The following SLC39A11 variants were observed in gnomAD, a reference collection of about 807,000 sequenced individuals.
SLC39A11 encodes the protein zinc transporter ZIP11.
SLC39A11 carries 33 observed loss-of-function variants against 36.1 expected under a neutral mutation model. The observed-to-expected ratio is 0.91, with a 90% confidence interval of 0.69 to 1.22. SLC39A11 has a LOEUF of 1.22. Ranked by LOEUF, SLC39A11 falls within the 50% of genes most tolerant of loss-of-function variation. The pLI is 0.00. For missense variants in SLC39A11, 432 were observed against 430.3 expected (o/e 1.00, Z -0.03); for synonymous variants, 166 against 170.3 (o/e 0.97, Z 0.20).
chr17:72,933,375 G>A (rs1206040861), intron 5 of SLC39A11, among the ~76,000 whole-genome samples: 1 of 152,164 alleles, frequency 6.6e-6, no homozygotes, highest in African/African-American at 2.4e-5. Flanking sequence ...GAGTATGTAT[G>A]ATGAAGACCA....
intron 3 of SLC39A11, among the ~76,000 whole-genome samples, chr17:73,083,698 C>T (rs1002096765): frequency 7.4e-6 from 1 of 135,588 alleles, no homozygotes; most frequent in Non-Finnish European, 1.6e-5. Context: ...CCAGTTTCTC[C>T]AACAAATTAC....
chr17:73,054,667 G>A (rs1322656378), intron 3 of SLC39A11, among the ~76,000 whole-genome samples: 1 of 151,928 alleles, frequency 6.6e-6, no homozygotes, highest in Non-Finnish European at 1.5e-5. Context: ...AATTAGTCAG[G>A]TATGGTGGCA....
At chr17:72,792,296 C>G (rs1319586737) in intron 6 of SLC39A11, among the ~76,000 whole-genome samples, 1 of 152,148 alleles carries the variant, frequency 6.6e-6, no homozygotes, top group Non-Finnish European at 1.5e-5. Flanking sequence ...ACCCTTAGTT[C>G]CCGCAGGAGG....
At chr17:73,031,522 C>A (rs753738994) in intron 4 of SLC39A11, 34 bp downstream of exon 4, 1 of 1,610,790 alleles carries the variant, frequency 6.2e-7, no homozygotes, top group Non-Finnish European at 8.5e-7. Context: ...TGGTTGTATC[C>A]CGATACGACA....
chr17:72,965,446 A>G (rs1311274867), intron 4 of SLC39A11, among the ~76,000 whole-genome samples: 2 of 152,064 alleles, frequency 1.3e-5, no homozygotes, highest in East Asian at 3.8e-4. Context: ...TACCTATACA[A>G]CCGTTCGGTT....
intron 7 of SLC39A11, among the ~76,000 whole-genome samples, chr17:72,686,521 C>CA (rs1195817618): frequency 1.3e-5 from 2 of 152,120 alleles, no homozygotes; most frequent in Admixed American, 1.3e-4. Context: ...CCCTTCCCTC[C>CA]AGACCCCCCT....
At chr17:72,950,850 A>C (rs1327469482) in intron 4 of SLC39A11, among the ~76,000 whole-genome samples, 4 of 152,164 alleles carry the variant, frequency 2.6e-5, no homozygotes, top group Admixed American at 6.5e-5. Context: ...GACACTGAGC[A>C]CTGGGCATTT....
chr17:72,799,887 T>C lies in SLC39A11; in HGVS notation c.601+49747A>G, dbSNP rs868159659. ...TTTGTCCTTTGAAGCATGTGATCTT[T>C]GTACCTACTCTCTGTTCTTACACCC... On this transcript the variant is annotated intron_variant, in intron 6 of 9. Coordinates refer to ENST00000255559, the MANE Select transcript of SLC39A11 (RefSeq NM_139177.4). Among the ~76,000 whole-genome samples, 6 of 152,180 alleles carry C rather than the reference T, an allele frequency of 3.9e-5. No homozygotes were observed. In the South Asian group the frequency reaches 1.0e-3, roughly 26 times the overall value.
intron 7 of SLC39A11, among the ~76,000 whole-genome samples, chr17:72,695,767 G>A (rs984243197): frequency 9.2e-5 from 14 of 152,186 alleles, no homozygotes; most frequent in African/African-American, 2.4e-4. Flanking sequence ...GGAAGGCTGC[G>A]TGAAGTGAAG....
intron 4 of SLC39A11, among the ~76,000 whole-genome samples, chr17:72,955,298 C>CTTTTTTTTTTTTTTTT (rs71359751): frequency 3.2e-4 from 21 of 65,570 alleles, no homozygotes; most frequent in East Asian, 2.7e-3. Flanking sequence ...TTTCAGTTCT[C>CTTTTTTTTTTTTTTTT]TTTTTTTTTT....
intron 4 of SLC39A11, among the ~76,000 whole-genome samples, chr17:73,004,280 C>A (rs751604740): frequency 2.0e-5 from 3 of 151,858 alleles, no homozygotes; most frequent in Non-Finnish European, 4.4e-5. Flanking sequence ...ACAGGGCTTC[C>A]GCAACATTTA....
intron 5 of SLC39A11, among the ~76,000 whole-genome samples, chr17:72,913,520 T>C (rs1279326550): frequency 2.0e-5 from 3 of 151,964 alleles, no homozygotes; most frequent in Middle Eastern, 3.2e-3. Context: ...AAATAAGAGA[T>C]GACATCATCT....
chr17:72,873,260 G>A (rs950672033), intron 5 of SLC39A11, among the ~76,000 whole-genome samples: 1 of 151,990 alleles, frequency 6.6e-6, no homozygotes, highest in Non-Finnish European at 1.5e-5. Flanking sequence ...CCAAGAAACT[G>A]ACTCAGCTGG....
intron 5 of SLC39A11, among the ~76,000 whole-genome samples, chr17:72,900,036 AAGAG>A (rs1193214146): frequency 5.4e-4 from 67 of 124,736 alleles, no homozygotes; most frequent in Non-Finnish European, 9.5e-4. Context: ...GAGAGAGAGA[AAGAG>A]AGAGAGAAAG....
chr17:73,032,599 A>C (rs2058773709), intron 3 of SLC39A11, among the ~76,000 whole-genome samples: 1 of 152,142 alleles, frequency 6.6e-6, no homozygotes, highest in African/African-American at 2.4e-5. Flanking sequence ...AATTATTACA[A>C]AGTTCTTTCT....
At chr17:73,044,645 A>G (rs2143636755) in intron 3 of SLC39A11, among the ~76,000 whole-genome samples, 1 of 152,206 alleles carries the variant, frequency 6.6e-6, no homozygotes, top group Non-Finnish European at 1.5e-5. Flanking sequence ...AGGCCGAGGC[A>G]GGTGGATCAC....
intron 6 of SLC39A11, among the ~76,000 whole-genome samples, chr17:72,825,627 G>A (rs1327181151): frequency 6.6e-6 from 1 of 152,242 alleles, no homozygotes; most frequent in Non-Finnish European, 1.5e-5. Flanking sequence ...CATGAGCCTG[G>A]AAAAGCAGCC....
chr17:72,851,643 C>T (rs1463775000), intron 5 of SLC39A11, among the ~76,000 whole-genome samples: 2 of 152,060 alleles, frequency 1.3e-5, no homozygotes, highest in Non-Finnish European at 2.9e-5. Flanking sequence ...AGCTAGATCT[C>T]AGTCAATCAC....
chr17:72,757,751 G>C (rs2075413757), intron 6 of SLC39A11, among the ~76,000 whole-genome samples: 1 of 151,966 alleles, frequency 6.6e-6, no homozygotes, highest in African/African-American at 2.4e-5. Flanking sequence ...AGCCATCGCT[G>C]GCTCCCTAGT....
Sources: gnomAD v4.1 joint callset for allele counts (sites outside exome capture counted in the v4.1 genomes callset) on GRCh38, gnomAD v4.1.1 for gene constraint, MANE v1.5 for transcripts, NCBI Gene and HGNC (gene_info 2026-07-23, HGNC 2026-07-21) for gene names.